Variants in PHKB observed in about 807,000 individuals in gnomAD.
PHKB encodes phosphorylase kinase regulatory subunit beta, also known as phosphorylase b kinase regulatory subunit beta.
Under a neutral mutation model 152.1 loss-of-function variants are expected in PHKB, and 122 were observed. The ratio of observed to expected loss-of-function variants is 0.80; its 90% CI spans 0.69 to 0.93. PHKB has a LOEUF of 0.93. Ranked by LOEUF, PHKB falls within the 40% of genes least tolerant of loss-of-function variation. The probability of loss-of-function intolerance (pLI) is 0.00; values close to 1 mark genes in which losing one functional copy is unlikely to be tolerated. For missense variants in PHKB, 1,304 were observed against 1,328.4 expected (o/e 0.98, Z 0.29); for synonymous variants, 436 against 464.9 (o/e 0.94, Z 0.80).
chr16:47,461,453 C>G lies in PHKB; in HGVS notation c.76+27C>G, dbSNP rs532929131. ...TTTGGCTGGCTGGGGCGCCGCCCCC[C>G]ACCCGAGTACCTTGGGTGGTGCTTC... On this transcript the variant is annotated intron_variant, in intron 1 of 30. Transcript: ENST00000323584. 6.2e-6 allele frequency: 10 copies of G among 1,610,346 alleles called. No individual in the cohort carries two copies. In the Admixed American group the frequency reaches 1.3e-4, roughly 21 times the overall value.
intron 5 of PHKB, among the ~76,000 whole-genome samples, chr16:47,514,613 A>G (rs771891917): frequency 1.3e-5 from 2 of 152,196 alleles, no homozygotes; most frequent in Non-Finnish European, 2.9e-5. Context: ...CAGCCAACTC[A>G]CGTGCCAGCT....
At chr16:47,543,333 G>A (rs1971096996) in intron 6 of PHKB, among the ~76,000 whole-genome samples, 1 of 152,174 alleles carries the variant, frequency 6.6e-6, no homozygotes, top group Non-Finnish European at 1.5e-5. Context: ...AACCAGCCTT[G>A]CATCCCAGGG....
At chr16:47,542,725 A>T (rs1202790907) in intron 6 of PHKB, among the ~76,000 whole-genome samples, 2 of 152,092 alleles carry the variant, frequency 1.3e-5, no homozygotes, top group African/African-American at 4.8e-5. Context: ...GATCCCTTGT[A>T]AGTTGGATTC....
chr16:47,543,597 C>G (rs1971103215), intron 6 of PHKB, among the ~76,000 whole-genome samples: 1 of 152,034 alleles, frequency 6.6e-6, no homozygotes, highest in African/African-American at 2.4e-5. Context: ...CCTTGTACCT[C>G]TGGTACAATT....
At chr16:47,500,581 A>G (rs1970308394) in intron 3 of PHKB, among the ~76,000 whole-genome samples, 1 of 152,210 alleles carries the variant, frequency 6.6e-6, no homozygotes, top group South Asian at 2.1e-4. Flanking sequence ...GATGCAACTC[A>G]TTAATGATAG....
chr16:47,463,753 C>T, intron 1 of PHKB: 1 of 622,366 alleles, frequency 1.6e-6, no homozygotes, highest in Admixed American at 2.7e-5. Context: ...ATTTTCAAGT[C>T]ATAAAAGAGA....
At chr16:47,474,993 G>T (rs918959049) in intron 1 of PHKB, among the ~76,000 whole-genome samples, 1 of 152,220 alleles carries the variant, frequency 6.6e-6, no homozygotes, top group Non-Finnish European at 1.5e-5. Flanking sequence ...CAGAGTGCTG[G>T]TATTACAGGT....
intron 24 of PHKB, chr16:47,664,114 A>G (rs1973494174): frequency 1.9e-5 from 4 of 208,230 alleles, no homozygotes; most frequent in Admixed American, 5.3e-5. Context: ...ATCATAAGCA[A>G]AAATAGTAGA....
At chr16:47,501,997 TA>T (rs1970332138) in intron 3 of PHKB, among the ~76,000 whole-genome samples, 1 of 152,194 alleles carries the variant, frequency 6.6e-6, no homozygotes, top group African/African-American at 2.4e-5. Flanking sequence ...TATGATGTGC[TA>T]ATGATGAATA....
chr16:47,669,554 A>G (rs945525176), intron 26 of PHKB, 137 bp downstream of exon 26: 1 of 760,250 alleles, frequency 1.3e-6, no homozygotes, highest in South Asian at 1.4e-5. Context: ...TAAGCCATGC[A>G]GGCAATATCT....
intron 14 of PHKB, among the ~76,000 whole-genome samples, chr16:47,628,641 G>A (rs904265591): frequency 1.4e-4 from 22 of 152,242 alleles, no homozygotes; most frequent in South Asian, 6.2e-4. Context: ...AAAGGCAGTC[G>A]TTTTTATATT....
intron 8 of PHKB, among the ~76,000 whole-genome samples, chr16:47,581,157 CA>C (rs1006768947): frequency 6.7e-6 from 1 of 149,548 alleles, no homozygotes; most frequent in East Asian, 2.1e-4. Context: ...CACAGTTGTG[CA>C]AAAAAAACGA....
rs1567344094 is a variant in PHKB at position 47,657,196 on chromosome 16, GT to G, written c.1972-3308del. On this transcript the variant is annotated intron_variant, in intron 20 of 30. Coordinates refer to ENST00000323584, the MANE Select transcript of PHKB (RefSeq NM_000293.3). ...GGTTTGTAATCTTTTTCAGCTCAAG[GT>G]TCACTCATCTCTGCATCCCCAGAGT... Among the ~76,000 whole-genome samples the G allele has an allele frequency of 2.6e-5, 4 of 151,996 alleles. 1 individual carries two copies. Among genetic ancestry groups the G allele is most frequent in the Admixed American group, 2.0e-4 (3 of 15,250 alleles).
intron 1 of PHKB, among the ~76,000 whole-genome samples, chr16:47,484,503 T>C (rs1970017756): frequency 6.6e-6 from 1 of 152,186 alleles, no homozygotes; most frequent in Admixed American, 6.5e-5. Context: ...ATACAAATAA[T>C]TTTGGAGCAA....
At chr16:47,648,503 G>A in intron 16 of PHKB, 30 bp from the exon 17 acceptor site, 2 of 1,421,874 alleles carry the variant, frequency 1.4e-6, no homozygotes, top group African/African-American at 1.4e-5. Flanking sequence ...ATTCTTACCT[G>A]ACTCTAATTT....
chr16:47,594,501 T>C (rs1014717331), intron 12 of PHKB, among the ~76,000 whole-genome samples: 1 of 152,196 alleles, frequency 6.6e-6, no homozygotes, highest in Non-Finnish European at 1.5e-5. Context: ...CTAGTTTTTA[T>C]ACAGGTCACC....
rs1971981858 is a variant in PHKB, at chr16:47,588,940, T to C, written c.906T>C (p.Tyr302=). The change falls in exon 10 of 31, where the codon TAT becomes TAC. Residue 302 remains tyrosine (Y), a synonymous_variant. Coordinates refer to ENST00000323584, the MANE Select transcript of PHKB (RefSeq NM_000293.3). ...CTGCCCTGCTCCCCTGCATCAGTTA[T>C]CCTGCATTTGCCCTGGATGATGAAG... ...TDAALLPCIS[Y]PAFALDDEVL... is the part of the protein sequence containing the mutation. The C allele has an allele frequency of 2.5e-6, 4 of 1,613,918 alleles. No homozygotes were observed. The South Asian group carries it at 4.4e-5, about 18-fold the overall frequency.
At chr16:47,503,820 TC>T (rs1294942720) in intron 4 of PHKB, among the ~76,000 whole-genome samples, 1 of 151,998 alleles carries the variant, frequency 6.6e-6, no homozygotes, top group African/African-American at 2.4e-5. Flanking sequence ...AGAGCAAGTC[TC>T]TGTCTCAAAA....
chr16:47,469,746 A>C (rs547374993), intron 1 of PHKB, among the ~76,000 whole-genome samples: 1 of 152,324 alleles, frequency 6.6e-6, no homozygotes, highest in African/African-American at 2.4e-5. Flanking sequence ...GTGTACCCCT[A>C]AACCTAAAAC....
Sources: allele counts gnomAD v4.1 joint callset (sites outside exome capture counted in the v4.1 genomes callset), GRCh38; gene constraint gnomAD v4.1.1; transcripts MANE v1.5; gene names NCBI Gene and HGNC (gene_info 2026-07-23, HGNC 2026-07-21).